Variants in CCT8 observed in about 807,000 individuals in gnomAD.
CCT8 encodes the protein chaperonin containing TCP1 subunit 8, also known as T-complex protein 1 subunit theta.
In CCT8, 10 loss-of-function variants were observed where a neutral mutation model predicts 65.7. The ratio of observed to expected loss-of-function variants is 0.15; its 90% CI spans 0.09 to 0.26. The LOEUF (loss-of-function observed/expected upper bound fraction) is 0.26, where lower values mean the gene tolerates loss of function less well. Among genes scored for constraint, CCT8 ranks in the 10% least tolerant of loss-of-function variants. The pLI is 1.00. For missense variants in CCT8, 568 were observed against 669.1 expected (o/e 0.85, Z 1.67); for synonymous variants, 199 against 221.8 (o/e 0.90, Z 0.92).
chr21:29,059,473 A>G (rs888468281), intron 14 of CCT8: 4 of 152,176 alleles, frequency 2.6e-5, no homozygotes, highest in Non-Finnish European at 5.9e-5. Context: ...TTGACATTCA[A>G]AGTTCCTAAC....
At chr21:29,056,914 CT>C (rs2085504743) in intron 14 of CCT8, among the ~76,000 whole-genome samples, 2 of 152,096 alleles carry the variant, frequency 1.3e-5, no homozygotes, top group Non-Finnish European at 2.9e-5. Context: ...TGAGATGTGT[CT>C]TGCCAACCAT....
intron 1 of CCT8, chr21:29,072,331 G>A (rs1297540154): frequency 5.5e-6 from 1 of 180,238 alleles, no homozygotes; most frequent in Non-Finnish European, 1.2e-5. Context: ...TGGGACTTTT[G>A]TCTTTCACTG....
At position 29,067,004 on chromosome 21, in the gene CCT8, GAAC is replaced by G. The variant is rs777264296; in HGVS notation, c.446_448del (p.Cys149del). ...ATCAATATCTCGAAGGTTTTTTGCAGAACAACATACCAAATTAGGAAGAATCTC... is the reference window on the plus strand; with the variant it reads ...ATCAATATCTCGAAGGTTTTTTGCAGAACATACCAAATTAGGAAGAATCTC... On this transcript the variant is annotated inframe_deletion, in exon 5 of 15. Coordinates refer to ENST00000286788, the MANE Select transcript of CCT8 (RefSeq NM_006585.4). The G allele has an allele frequency of 2.5e-6, 4 of 1,613,590 alleles. No homozygotes were observed. Among genetic ancestry groups the G allele is most frequent in the East Asian group, 2.2e-5 (1 of 44,816 alleles).
At chr21:29,067,905 A>G (rs1246217216) in intron 3 of CCT8, among the ~76,000 whole-genome samples, 200 bp from the exon 4 acceptor site, 2 of 152,250 alleles carry the variant, frequency 1.3e-5, no homozygotes, top group African/African-American at 4.8e-5. Context: ...GCACAAATGT[A>G]TCACTATAAA....
chr21:29,060,515 A>C (rs747300528), intron 14 of CCT8, 26 bp downstream of exon 14: 1 of 1,610,720 alleles, frequency 6.2e-7, no homozygotes. Flanking sequence ...GAGTATTTTT[A>C]AAGATCAAAA....
intron 1 of CCT8, chr21:29,073,262 G>C (rs2085703436): frequency 7.5e-7 from 1 of 1,324,866 alleles, no homozygotes; most frequent in Non-Finnish European, 9.7e-7. Flanking sequence ...AAACGCACGC[G>C]CGGCTTCACA....
At chr21:29,064,770 C>T (rs914885381) in intron 7 of CCT8, among the ~76,000 whole-genome samples, 198 bp downstream of exon 7, 10 of 152,108 alleles carry the variant, frequency 6.6e-5, no homozygotes, top group East Asian at 1.9e-4. Flanking sequence ...ATAAATAATA[C>T]GGCCACCATC....
chr21:29,067,020 T>C lies in CCT8; in HGVS notation c.433A>G (p.Asn145Asp), dbSNP rs770034295. 1.7e-5 allele frequency: 28 copies of C among 1,613,374 alleles called. No homozygotes were observed. Among genetic ancestry groups the C allele is most frequent in the Non-Finnish European group, 2.2e-5 (26 of 1,179,682 alleles). ...TTTTTTGCAGAACAACATACCAAAT[T>C]AGGAAGAATCTCATGAGCTTTTCTG... ...ACRKAHEILP[N>D]LVCCSAKNLR... Residue 145 changes from asparagine (N) to aspartate (D), a missense_variant, in exon 5 of 15, where the codon AAT becomes GAT. Asn to Asp is a conservative substitution (Grantham distance 23). Transcript: ENST00000286788.
At chr21:29,057,753 G>GTA (rs1601085803) in intron 14 of CCT8, among the ~76,000 whole-genome samples, 1 of 89,586 alleles carries the variant, frequency 1.1e-5, no homozygotes, top group African/African-American at 3.2e-5. Flanking sequence ...TCATGTATAT[G>GTA]TATGATATGA....
chr21:29,070,037 G>T (rs765095353), intron 2 of CCT8, among the ~76,000 whole-genome samples: 1 of 152,026 alleles, frequency 6.6e-6, no homozygotes, highest in Non-Finnish European at 1.5e-5. Flanking sequence ...CTCTCAACAG[G>T]ATAAAAAGTA....
intron 1 of CCT8, among the ~76,000 whole-genome samples, chr21:29,072,555 T>C (rs983383753): frequency 6.6e-6 from 1 of 152,214 alleles, no homozygotes; most frequent in Non-Finnish European, 1.5e-5. Flanking sequence ...AACATTTACC[T>C]TGAACCCTGA....
At chr21:29,056,663 T>G (rs2085502128) in intron 14 of CCT8, 111 bp from the exon 15 acceptor site, 6 of 554,162 alleles carry the variant, frequency 1.1e-5, no homozygotes, top group East Asian at 3.3e-5. Context: ...GGTATAATTA[T>G]GTACTGCATA....
Position 29,061,368 on chromosome 21 carries a change from A to G in CCT8, c.1334T>C (p.Phe445Ser). Residue 445 changes from phenylalanine to serine, a missense_variant, in exon 13 of 15, where the codon TTT (phenylalanine) becomes TCT (serine). Phe to Ser is a radical substitution (Grantham distance 155). Coordinates refer to ENST00000286788, the MANE Select transcript of CCT8 (RefSeq NM_006585.4). The part of the protein sequence containing the change: ...QYAIKKFAEA[F>S]EAIPRALAEN... Reference sequence around the variant, plus strand: ...TGCCAGTGCGCGGGGAATAGCTTCAAATGCCTCAGCAAACTTCTTAATAGC... The same window carrying G: ...TGCCAGTGCGCGGGGAATAGCTTCAGATGCCTCAGCAAACTTCTTAATAGC... 6.2e-7 allele frequency: 1 copy of G among 1,614,074 alleles called. No homozygotes were observed. Among genetic ancestry groups the G allele is most frequent in the African/African-American group, 1.3e-5 (1 of 75,052 alleles).
At chr21:29,069,555 T>C in intron 2 of CCT8, 53 bp from the exon 3 acceptor site, 2 of 1,054,792 alleles carry the variant, frequency 1.9e-6, no homozygotes, top group South Asian at 3.0e-5. Context: ...AATCAAATCC[T>C]TCCCCAAATA....
At chr21:29,072,032 C>A (rs1405226593) in intron 1 of CCT8, 6 of 693,320 alleles carry the variant, frequency 8.7e-6, no homozygotes, top group Admixed American at 6.3e-5. Flanking sequence ...AGGTCAAAAT[C>A]ATTCCTTCCT....
intron 8 of CCT8, 22 bp downstream of exon 8, chr21:29,063,330 A>G: frequency 6.3e-7 from 1 of 1,599,666 alleles, no homozygotes. Context: ...ATAGGTAAAA[A>G]AAAAAATCGG....
intron 3 of CCT8, 67 bp from the exon 4 acceptor site, chr21:29,067,772 A>G: frequency 1.6e-6 from 2 of 1,212,194 alleles, no homozygotes. Flanking sequence ...GTTCATTTCC[A>G]TTTCTTAAAT....
chr21:29,068,744 C>G (rs1406155090), intron 3 of CCT8, among the ~76,000 whole-genome samples: 1 of 152,112 alleles, frequency 6.6e-6, no homozygotes, highest in East Asian at 1.9e-4. Context: ...GGATTACAGG[C>G]GTGAGCCACC....
chr21:29,058,239 C>A (rs1446147540), intron 14 of CCT8: 1 of 152,104 alleles, frequency 6.6e-6, no homozygotes, highest in Non-Finnish European at 1.5e-5. Flanking sequence ...GAGATCGAGA[C>A]CATCCTGGCC....
Sources: allele counts gnomAD v4.1 joint callset (sites outside exome capture counted in the v4.1 genomes callset), GRCh38; gene constraint gnomAD v4.1.1; transcripts MANE v1.5; gene names NCBI Gene and HGNC (gene_info 2026-07-23, HGNC 2026-07-21).